Variants in MUC5B observed in about 807,000 individuals in gnomAD.
The protein encoded by MUC5B is mucin 5B, oligomeric mucus/gel-forming, also known as mucin-5B.
Under a neutral mutation model 376.9 loss-of-function variants are expected in MUC5B, and 116 were observed. The ratio of observed to expected loss-of-function variants is 0.31; its 90% CI spans 0.26 to 0.36. The LOEUF (loss-of-function observed/expected upper bound fraction) is 0.36, where lower values mean the gene tolerates loss of function less well. MUC5B is among the 10% of genes least tolerant of loss of function. MUC5B has a pLI of 1.00. For synonymous variants in MUC5B, 3,517 were observed against 3,390.9 expected (o/e 1.04, Z -1.29); for missense variants, 7,165 against 7,769.9 (o/e 0.92, Z 2.93).
chr11:1,229,461 C>T (rs576689726), intron 9 of MUC5B, among the ~76,000 whole-genome samples, 166 bp downstream of exon 9: 7 of 152,218 alleles, frequency 4.6e-5, no homozygotes, highest in Admixed American at 2.6e-4. Flanking sequence ...GAAGACCTGC[C>T]GATGCGTGGA....
chr11:1,240,435 T>C, intron 30 of MUC5B, 60 bp downstream of exon 30: 1 of 1,476,334 alleles, frequency 6.8e-7, no homozygotes, highest in Non-Finnish European at 9.2e-7. Flanking sequence ...GAGGACCCCC[T>C]GGGCTCTTAG....
At chr11:1,231,116 C>A (rs1862018152) in intron 13 of MUC5B, 111 bp downstream of exon 13, 2 of 1,130,336 alleles carry the variant, frequency 1.8e-6, no homozygotes, top group Non-Finnish European at 2.5e-6. Context: ...TGGCCTCGGG[C>A]AGCTCCAGGA....
rs982519420 is a variant in MUC5B, at chr11:1,256,119, A to G, written c.16067-37A>G. On this transcript the variant is annotated intron_variant, in intron 37 of 48. Transcript: ENST00000529681. ...TTGGGGGCGGCCCTGGGCCCCCCCA[A>G]CCCCTTGGCTTGTCTGACACCTCTC... is the stretch of plus-strand genomic sequence containing the variant. 8.4e-6 allele frequency: 6 copies of G among 715,462 alleles called. No individual in the cohort carries two copies. In the African/African-American group the frequency reaches 1.1e-4, roughly 13 times the overall value. 44.3% of individuals were successfully genotyped at this position (715,462 alleles called of 1,614,324 possible). A position where few individuals can be genotyped will look rare whatever the true frequency, so the allele number is the denominator to read the frequency against.
chr11:1,228,787 G>GC (rs1204573073), intron 8 of MUC5B, 22 bp downstream of exon 8: 1 of 1,323,142 alleles, frequency 7.6e-7, no homozygotes, highest in East Asian at 4.8e-5. Context: ...CAGGGCCTTC[G>GC]CCAGGGATTG....
intron 1 of MUC5B, among the ~76,000 whole-genome samples, chr11:1,224,485 T>G (rs1590166150): frequency 8.3e-5 from 3 of 36,294 alleles, no homozygotes; most frequent in Non-Finnish European, 1.6e-4. Context: ...AGGGGTTGCC[T>G]GGGTTGGGGA....
intron 36 of MUC5B, 37 bp downstream of exon 36, chr11:1,255,303 G>GC: frequency 6.6e-7 from 1 of 1,505,808 alleles, no homozygotes; most frequent in Non-Finnish European, 8.9e-7. Context: ...GCCCTGGGGC[G>GC]CCCCCGCCCG....
Position 1,244,441 on chromosome 11 carries a change from G to C in MUC5B, c.7561G>C (p.Ala2521Pro). ...TPFSSPGTATALPALRSTATT... is the reference protein window; with the variant it reads ...TPFSSPGTATPLPALRSTATT... ...CTTCTCCAGTCCAGGGACTGCAACC[G>C]CCCTTCCAGCACTGAGAAGCACAGC... is the stretch of plus-strand genomic sequence containing the variant. The change falls in exon 31 of 49, where the codon GCC (alanine) becomes CCC (proline). Residue 2521 changes from alanine (A) to proline (P), a missense_variant. This residue lies in a region of MUC5B where 194 missense variants were observed against 268.5 expected (regional missense o/e 0.72). Coordinates refer to ENST00000529681, the MANE Select transcript of MUC5B (RefSeq NM_002458.3). 2 of 1,591,682 alleles carry C rather than the reference G, an allele frequency of 1.3e-6. No homozygotes were observed. The highest frequency in any genetic ancestry group is 1.7e-6 in the Non-Finnish European group (2 of 1,164,634).
chr11:1,238,667 G>T (rs1163794858), intron 25 of MUC5B, among the ~76,000 whole-genome samples: 1 of 152,200 alleles, frequency 6.6e-6, no homozygotes, highest in Non-Finnish European at 1.5e-5. Context: ...GATATAGGTG[G>T]ACGAGGGCAC....
In MUC5B at chr11:1,254,867, C is replaced by T. The variant is rs902275823; in HGVS notation, c.15651C>T (p.Thr5217=). ...CCTACAGCCTCTTCCACAACAACAC[C>T]GAGGGCCAGTGCGGTGAGTGGGCGG... ...RLPYSLFHNN[T]EGQCGTCTNN... The change falls in exon 35 of 49, where the codon ACC becomes ACT. Residue 5217 remains threonine, a synonymous_variant. Transcript: ENST00000529681. 8 of 1,611,114 alleles carry T rather than the reference C, an allele frequency of 5.0e-6. No individual in the cohort carries two copies. Among genetic ancestry groups the T allele is most frequent in the South Asian group, 2.2e-5 (2 of 91,068 alleles).
chr11:1,224,472 G>T (rs1266725835), intron 1 of MUC5B, among the ~76,000 whole-genome samples: 1 of 148,556 alleles, frequency 6.7e-6, no homozygotes, highest in African/African-American at 2.5e-5. Context: ...CTGCCTGGGG[G>T]GGAGGGGTTG....
rs1862231501 is a variant in MUC5B, at chr11:1,239,555, C to T, written c.3572C>T (p.Pro1191Leu). The change falls in exon 27 of 49, where the codon CCT becomes CTT. Residue 1191 changes from proline (P) to leucine (L), a missense_variant. Transcript: ENST00000529681. ...AGTGGGCACTGCCTGGTGGACCTGC[C>T]TGGCCTGGAAGGTGAGGGGCAGCCT... ...NPSGHCLVDL[P>L]GLEGCYPKCP... 4 of 1,579,594 alleles carry T rather than the reference C, an allele frequency of 2.5e-6. No homozygotes were observed. Among genetic ancestry groups the T allele is most frequent in the South Asian group, 1.1e-5 (1 of 87,354 alleles).
In MUC5B at chr11:1,236,581, C is replaced by G; in HGVS notation, c.3057+19C>G. On this transcript the variant is annotated intron_variant, in intron 24 of 48. Coordinates refer to ENST00000529681, the MANE Select transcript of MUC5B (RefSeq NM_002458.3). ...CTACAAGGTGAGCTCGGGCCGTGCA[C>G]TCCTAGGCCCTGCAGGACCCTCTCA... is the stretch of plus-strand genomic sequence containing the variant. The G allele has an allele frequency of 6.2e-7, 1 of 1,606,620 alleles. No individual in the cohort carries two copies. The highest frequency in any genetic ancestry group is 8.5e-7 in the Non-Finnish European group (1 of 1,175,718).
chr11:1,235,018 G>C, intron 21 of MUC5B, 67 bp from the exon 22 acceptor site: 1 of 1,544,438 alleles, frequency 6.5e-7, no homozygotes, highest in Admixed American at 1.8e-5. Flanking sequence ...ACAGGCCTGG[G>C]TGCCGGGTCT....
chr11:1,231,901 C>T (rs1253272298), intron 14 of MUC5B, 95 bp from the exon 15 acceptor site: 15 of 1,515,842 alleles, frequency 9.9e-6, no homozygotes, highest in East Asian at 4.6e-5. Flanking sequence ...GGCTCCCAGC[C>T]GTTCCACCCT....
rs1862845302 is a variant in MUC5B at position 1,256,675 on chromosome 11, C to A, written c.16141C>A (p.Gln5381Lys). Residue 5381 changes from glutamine to lysine, a missense_variant, in exon 39 of 49, where the codon CAG becomes AAG. Gln to Lys is a moderately conservative substitution (Grantham distance 53). Around this residue, in one of 31 missense-constraint regions of MUC5B, gnomAD observed 842 missense variants for 1,016.9 expected, o/e 0.83. Transcript: ENST00000529681. ...IQPATCNSRN[Q>K]SPQLEGMAEG... ...GCCTCTCTTGTCATCCTGCAGGAAC[C>A]AGAGCCCACAGCTGGAGGGGATGGC... The A allele has an allele frequency of 1.3e-6, 2 of 1,562,906 alleles. No individual in the cohort carries two copies. Among genetic ancestry groups the A allele is most frequent in the South Asian group, 1.2e-5 (1 of 84,304 alleles).
chr11:1,247,087 A>C lies in MUC5B; in HGVS notation c.10207A>C (p.Thr3403Pro). 1 of 1,562,436 alleles carries C rather than the reference A, an allele frequency of 6.4e-7. No homozygotes were observed. Among genetic ancestry groups the C allele is most frequent in the Non-Finnish European group, 8.7e-7 (1 of 1,153,716 alleles). The change falls in exon 31 of 49, where the codon ACC becomes CCC. Residue 3403 changes from threonine (T) to proline (P), a missense_variant. This residue lies in a region of MUC5B where 939 missense variants were observed against 770.6 expected (regional missense o/e 1.22). Coordinates refer to ENST00000529681, the MANE Select transcript of MUC5B (RefSeq NM_002458.3). ...TATTITATGS[T>P]TNPSSTPGTT... ...CACTACGATCACAGCCACCGGCTCC[A>C]CCACCAACCCCTCCTCAACTCCAGG...
At chr11:1,227,172 C>G (rs765946392) in intron 5 of MUC5B, 27 bp downstream of exon 5, 1 of 1,598,804 alleles carries the variant, frequency 6.3e-7, no homozygotes, top group Non-Finnish European at 8.6e-7. Flanking sequence ...GCCCCTTGCC[C>G]CTTCAGGCCT....
chr11:1,258,046 G>A lies in MUC5B; in HGVS notation c.16451-53G>A, dbSNP rs1289451723. 4 of 1,485,246 alleles carry A rather than the reference G, an allele frequency of 2.7e-6. No homozygotes were observed. Among genetic ancestry groups the A allele is most frequent in the South Asian group, 1.2e-5 (1 of 82,510 alleles). The allele number at this position is 1,485,246 out of a possible 1,614,324, so 92.0% of individuals were successfully genotyped here. A position where few individuals can be genotyped will look rare whatever the true frequency, so the allele number is the denominator to read the frequency against. ...CCTGCGACTTACTCTGGGAACAAGT[G>A]GTCGGGAGGAGGAGTGAGCAGCGCC... On this transcript the variant is annotated intron_variant, in intron 41 of 48. Transcript: ENST00000529681. The surrounding 1 kb of genome is among the most constrained non-coding windows in gnomAD (Gnocchi z 5.5).
Position 1,234,155 on chromosome 11 carries a change from G to A in MUC5B, c.2378-50G>A. 2 of 1,454,840 alleles carry A rather than the reference G, an allele frequency of 1.4e-6. No homozygotes were observed. The highest frequency in any genetic ancestry group is 1.9e-6 in the Non-Finnish European group (2 of 1,058,982). The allele number at this position is 1,454,840 out of a possible 1,614,324, so 90.1% of individuals were successfully genotyped here. A position where few individuals can be genotyped will look rare whatever the true frequency, so the allele number is the denominator to read the frequency against. ...TCAGGGCTGCCTGGGGTCAGTTGAG[G>A]GCCGTGGCTGCCCTTCCCCAGGACC... On this transcript the variant is annotated intron_variant, in intron 19 of 48. Coordinates refer to ENST00000529681, the MANE Select transcript of MUC5B (RefSeq NM_002458.3). This position sits in a 1 kb window ranked among gnomAD's most constrained non-coding sequence, Gnocchi z 6.3.
Sources: allele counts gnomAD v4.1 joint callset (sites outside exome capture counted in the v4.1 genomes callset), GRCh38; gene constraint gnomAD v4.1.1; regional missense constraint gnomAD v4.1.1; non-coding constraint Gnocchi (gnomAD v3.1); transcripts MANE v1.5; gene names NCBI Gene and HGNC (gene_info 2026-07-23, HGNC 2026-07-21).